The following DPP6 variants were observed in gnomAD, a reference collection of about 807,000 sequenced individuals.
The protein encoded by DPP6 is dipeptidyl peptidase like 6.
In DPP6, 69 loss-of-function variants were observed where a neutral mutation model predicts 122.6. That is an observed-to-expected ratio of 0.56 (90% confidence interval 0.46 to 0.69). The LOEUF (loss-of-function observed/expected upper bound fraction) is 0.69, where lower values mean the gene tolerates loss of function less well. DPP6 is among the 30% of genes least tolerant of loss of function. The pLI, the probability that DPP6 is intolerant of heterozygous loss-of-function variation, is 0.00. For missense variants in DPP6, 928 were observed against 1,116.9 expected, an observed-to-expected ratio of 0.83 and a Z score of 2.41; for synonymous variants, 418 against 433.1, an observed-to-expected ratio of 0.97 and a Z score of 0.43.
At chr7:154,212,070 C>G (rs536667622) in intron 1 of DPP6, among the ~76,000 whole-genome samples, 54 of 152,268 alleles carry the variant, frequency 3.5e-4, no homozygotes, top group African/African-American at 1.1e-3. Flanking sequence ...CAGGCCCAGA[C>G]AGGGTGGGTA....
chr7:153,886,295 A>G (rs977688741), upstream of DPP6, among the ~76,000 whole-genome samples: 5 of 152,034 alleles, frequency 3.3e-5, no homozygotes, highest in African/African-American at 9.7e-5. Context: ...TTGTGAATGG[A>G]TGATTGATGG....
chr7:154,177,325 G>A (rs953893083), intron 1 of DPP6, among the ~76,000 whole-genome samples: 19 of 152,226 alleles, frequency 1.2e-4, no homozygotes, highest in Admixed American at 2.0e-4. Flanking sequence ...TTACCAATGA[G>A]ATATGGTAAA....
chr7:154,550,643 T>C (rs979688688), intron 4 of DPP6, among the ~76,000 whole-genome samples: 2 of 152,166 alleles, frequency 1.3e-5, no homozygotes, highest in African/African-American at 4.8e-5. Context: ...GTTGATTTGG[T>C]ACCAGGTAGA....
chr7:154,706,651 C>A (rs531936891), intron 7 of DPP6, among the ~76,000 whole-genome samples: 3 of 152,358 alleles, frequency 2.0e-5, no homozygotes, highest in South Asian at 4.1e-4. Flanking sequence ...CAGCTAGGAA[C>A]TTCTGGAGCT....
chr7:154,379,806 A>C (rs1433695006), intron 1 of DPP6, among the ~76,000 whole-genome samples: 1 of 152,256 alleles, frequency 6.6e-6, no homozygotes, highest in Non-Finnish European at 1.5e-5. Context: ...TCTAGTGGAC[A>C]CAACTTAAGC....
chr7:153,823,447 G>A, the DPP6 span, among the ~76,000 whole-genome samples: 1 of 146,420 alleles, frequency 6.8e-6, no homozygotes, highest in Non-Finnish European at 1.5e-5. Context: ...GGGGGATGAA[G>A]AGTTGGGGTT....
the DPP6 span, among the ~76,000 whole-genome samples, chr7:153,784,511 TG>T: frequency 6.6e-6 from 1 of 152,240 alleles, no homozygotes; most frequent in African/African-American, 2.4e-5. Context: ...TAGTTCTTCT[TG>T]TTTTAGAAGA....
the DPP6 span, among the ~76,000 whole-genome samples, chr7:153,796,952 G>T: frequency 1.3e-5 from 2 of 152,316 alleles, no homozygotes; most frequent in East Asian, 3.9e-4. Flanking sequence ...AGAAGACTAT[G>T]GCTTGTTTTG....
At chr7:154,111,777 C>T (rs891194013) in intron 1 of DPP6, among the ~76,000 whole-genome samples, 1 of 152,092 alleles carries the variant, frequency 6.6e-6, no homozygotes. Context: ...AATCTGCACA[C>T]AGTGTCTTGA....
At chr7:153,859,730 C>A in the DPP6 span, among the ~76,000 whole-genome samples, 372 of 152,332 alleles carry the variant, frequency 2.4e-3, no homozygotes, top group Non-Finnish European at 3.6e-3. Flanking sequence ...AATTGACTCA[C>A]AGTTCTGCAT....
chr7:154,328,305 C>G (rs1313089513), intron 1 of DPP6, among the ~76,000 whole-genome samples: 2 of 152,116 alleles, frequency 1.3e-5, no homozygotes, highest in East Asian at 3.8e-4. Context: ...ACAGGCATTC[C>G]AAGGCTCTTG....
chr7:154,345,814 TCTC>T (rs1810349233), intron 1 of DPP6, among the ~76,000 whole-genome samples: 2 of 152,200 alleles, frequency 1.3e-5, no homozygotes, highest in Non-Finnish European at 2.9e-5. Flanking sequence ...CTTGCTTCCT[TCTC>T]CTGATGTTTC....
chr7:154,787,736 G>A (rs549738218), intron 10 of DPP6, among the ~76,000 whole-genome samples: 20 of 152,274 alleles, frequency 1.3e-4, no homozygotes, highest in African/African-American at 4.1e-4. Flanking sequence ...AATGAATAAG[G>A]TGGGTATGGT....
At chr7:154,641,590 T>G (rs569009704) in intron 6 of DPP6, among the ~76,000 whole-genome samples, 5 of 152,334 alleles carry the variant, frequency 3.3e-5, no homozygotes, top group African/African-American at 1.2e-4. Flanking sequence ...CAAAATTATC[T>G]ATATTTATGT....
intron 1 of DPP6, among the ~76,000 whole-genome samples, chr7:154,023,401 G>A (rs1175320552): frequency 6.7e-6 from 1 of 149,654 alleles, no homozygotes; most frequent in Admixed American, 6.7e-5. Context: ...TAAGGGGCAT[G>A]TTGCTCTATA....
chr7:154,112,122 G>C (rs1034477792), intron 1 of DPP6, among the ~76,000 whole-genome samples: 52 of 152,244 alleles, frequency 3.4e-4, no homozygotes, highest in Admixed American at 6.5e-4. Flanking sequence ...CTGCAACTCT[G>C]AAGCCAAACA....
At chr7:154,543,318 C>T (rs1828878740) in intron 4 of DPP6, among the ~76,000 whole-genome samples, 1 of 152,190 alleles carries the variant, frequency 6.6e-6, no homozygotes, top group Non-Finnish European at 1.5e-5. Flanking sequence ...ACCTTGACCT[C>T]TAATAACCTC....
chr7:153,974,858 A>G (rs565623768), intron 1 of DPP6, among the ~76,000 whole-genome samples: 9 of 152,310 alleles, frequency 5.9e-5, no homozygotes, highest in African/African-American at 1.9e-4. Context: ...CCCTGCATGC[A>G]GCAAACCAGA....
chr7:154,769,803 A>G (rs1484704875), intron 9 of DPP6, among the ~76,000 whole-genome samples: 2 of 152,148 alleles, frequency 1.3e-5, no homozygotes, highest in African/African-American at 2.4e-5. Flanking sequence ...CACCTGACTC[A>G]GCTTCACTGA....
Sources: gnomAD v4.1 joint callset for allele counts (sites outside exome capture counted in the v4.1 genomes callset) on GRCh38, gnomAD v4.1.1 for gene constraint, MANE v1.5 for transcripts, NCBI Gene and HGNC (gene_info 2026-07-23, HGNC 2026-07-21) for gene names.